The following TMSB15B variants were observed in gnomAD, a reference collection of about 807,000 sequenced individuals.
TMSB15B encodes the protein thymosin beta-15B.
intron 1 of TMSB15B, among the ~76,000 whole-genome samples, chrX:103,933,631 T>G (rs2074990067): frequency 8.9e-6 from 1 of 111,855 alleles, no homozygotes; most frequent in South Asian, 3.7e-4. Context: ...TACAGATGTT[T>G]GAACATTATA....
intron 1 of TMSB15B, among the ~76,000 whole-genome samples, chrX:103,924,054 A>G (rs1662978666): frequency 8.9e-6 from 1 of 111,791 alleles, no homozygotes; most frequent in African/African-American, 3.3e-5. Context: ...CTTCATGACA[A>G]TCATTTTACA....
In TMSB15B at chrX:103,920,228, C is replaced by G. The variant is rs1372972847; in HGVS notation, c.-721+936C>G. The stretch of plus-strand genomic sequence containing the variant: ...GGTGAAGCCAAAATTTGGACCGAAT[C>G]TCTGAATCCAGAACTCATACTATTA... On this transcript the variant is annotated intron_variant, in intron 1 of 3. Coordinates refer to the TMSB15B transcript ENST00000419165. Among the ~76,000 whole-genome samples the G allele has an allele frequency of 4.5e-5, 5 of 111,953 alleles. 1 individual carries two copies. The South Asian group carries it at 1.5e-3, about 34-fold the overall frequency.
At chrX:103,945,678 A>T (rs1556327194) in intron 1 of TMSB15B, among the ~76,000 whole-genome samples, 2 of 112,221 alleles carry the variant, frequency 1.8e-5, no homozygotes, top group African/African-American at 6.5e-5. Context: ...ATATTAGTTG[A>T]ATTAAATGTT....
chrX:103,953,728 G>A (rs782776860), intron 1 of TMSB15B, among the ~76,000 whole-genome samples: 220 of 111,959 alleles, frequency 2.0e-3, no homozygotes, highest in Non-Finnish European at 3.3e-3. Flanking sequence ...TACTGGGAGG[G>A]ACCTCCCAAC....
intron 1 of TMSB15B, among the ~76,000 whole-genome samples, chrX:103,933,186 A>C (rs1358884003): frequency 3.6e-5 from 4 of 111,868 alleles, no homozygotes; most frequent in Admixed American, 9.5e-5. Context: ...TGCATATGAG[A>C]GAAAAAGCAT....
intron 1 of TMSB15B, among the ~76,000 whole-genome samples, chrX:103,925,699 T>C (rs1349569289): frequency 2.3e-4 from 26 of 112,382 alleles, no homozygotes; most frequent in African/African-American, 7.1e-4. Context: ...CTACCCCACT[T>C]GCTTCCTGGC....
At chrX:103,929,719 C>G (rs191034402) in intron 1 of TMSB15B, among the ~76,000 whole-genome samples, 33 of 111,583 alleles carry the variant, frequency 3.0e-4, no homozygotes, top group African/African-American at 1.0e-3. Context: ...TTGCTATAGT[C>G]TGCTTGGTGT....
At chrX:103,931,658 A>G (rs1170985783) in intron 1 of TMSB15B, 4 of 112,666 alleles carry the variant, frequency 3.6e-5, no homozygotes, top group Non-Finnish European at 7.5e-5. Context: ...ACTGTGAAAT[A>G]TATATTTGCT....
intron 1 of TMSB15B, chrX:103,931,297 A>C (rs1391406460): frequency 5.3e-5 from 6 of 112,396 alleles, no homozygotes; most frequent in Non-Finnish European, 1.1e-4. Context: ...GTCACTCTGT[A>C]CATCCATGTC....
At chrX:103,919,156 A>G (rs1330447028) in exon 1 of TMSB15B, 1 of 113,113 alleles carries the variant, frequency 8.8e-6, no homozygotes, top group African/African-American at 3.2e-5. Context: ...GGCCTACCCA[A>G]GCAGCCTCTG....
At chrX:103,942,933 T>C (rs782183062) in intron 1 of TMSB15B, among the ~76,000 whole-genome samples, 1 of 111,776 alleles carries the variant, frequency 8.9e-6, no homozygotes, top group Non-Finnish European at 1.9e-5. Context: ...TGTTGATGCC[T>C]CATGTTGACA....
intron 1 of TMSB15B, among the ~76,000 whole-genome samples, chrX:103,923,168 A>G (rs1302172675): frequency 9.0e-6 from 1 of 111,627 alleles, no homozygotes; most frequent in Non-Finnish European, 1.9e-5. Flanking sequence ...ATTCACTCTG[A>G]TGGTAGTTTC....
intron 1 of TMSB15B, among the ~76,000 whole-genome samples, chrX:103,935,351 T>A (rs1556321198): frequency 2.7e-5 from 3 of 112,042 alleles, no homozygotes; most frequent in Non-Finnish European, 3.8e-5. Flanking sequence ...GTTAGTTAGA[T>A]CCCATTTGTC....
At chrX:103,945,473 A>G (rs1261517696) in intron 1 of TMSB15B, among the ~76,000 whole-genome samples, 1 of 111,872 alleles carries the variant, frequency 8.9e-6, no homozygotes, top group African/African-American at 3.3e-5. Flanking sequence ...TGCATAACCA[A>G]TTCAGTCCCA....
chrX:103,947,707 T>C (rs1407094882), intron 1 of TMSB15B, among the ~76,000 whole-genome samples: 9 of 111,571 alleles, frequency 8.1e-5, no homozygotes, highest in African/African-American at 2.9e-4. Flanking sequence ...TTTTGCAAAA[T>C]ATATTGCTGA....
chrX:103,923,708 A>G (rs1173639344), intron 1 of TMSB15B, among the ~76,000 whole-genome samples: 1 of 111,358 alleles, frequency 9.0e-6, no homozygotes, highest in African/African-American at 3.3e-5. Flanking sequence ...TTCCATATGA[A>G]TTTTAAAGTA....
chrX:103,927,842 T>C (rs1447768373), intron 1 of TMSB15B, among the ~76,000 whole-genome samples: 6 of 111,327 alleles, frequency 5.4e-5, no homozygotes, highest in African/African-American at 2.0e-4. Context: ...AGCAAAATAC[T>C]GTAGTGGTGG....
chrX:103,937,218 T>A (rs1391894750), intron 1 of TMSB15B, among the ~76,000 whole-genome samples: 6 of 112,085 alleles, frequency 5.4e-5, no homozygotes, highest in Admixed American at 3.8e-4. Context: ...CTGTTTCTAT[T>A]GTTTGGAATA....
At chrX:103,952,543 A>G (rs2075041466) in intron 1 of TMSB15B, among the ~76,000 whole-genome samples, 1 of 111,037 alleles carries the variant, frequency 9.0e-6, no homozygotes, top group Admixed American at 9.6e-5. Context: ...AGAAGCTTAG[A>G]CTATGGAGGA....
Sources: gnomAD v4.1 joint callset for allele counts (sites outside exome capture counted in the v4.1 genomes callset) on GRCh38, gnomAD v4.1.1 for gene constraint, MANE v1.5 for transcripts, NCBI Gene and HGNC (gene_info 2026-07-23, HGNC 2026-07-21) for gene names.